DRC9: variants seen among roughly 807,000 people sequenced by gnomAD.
The protein encoded by DRC9 is dynein regulatory complex subunit 9.
chr3:197,959,365 C>T, the DRC9 span: 2 of 152,204 alleles, frequency 1.3e-5, no homozygotes, highest in Non-Finnish European at 2.9e-5. Context: ...GGAATCCCAC[C>T]TTCCACTAGT....
the DRC9 span, among the ~76,000 whole-genome samples, chr3:197,948,476 C>T: frequency 6.6e-6 from 1 of 152,198 alleles, no homozygotes; most frequent in Non-Finnish European, 1.5e-5. Flanking sequence ...CAACGATGCT[C>T]ACAGTTGTAT....
the DRC9 span, chr3:197,955,734 TC>T: frequency 6.3e-7 from 1 of 1,596,880 alleles, no homozygotes; most frequent in Non-Finnish European, 8.6e-7. Context: ...TGTTTTGTGT[TC>T]TTTTTTCCCT....
the DRC9 span, chr3:197,932,164 T>A: frequency 1.2e-6 from 2 of 1,609,328 alleles, no homozygotes. Flanking sequence ...AAACCTAACA[T>A]GACTCTGACC....
chr3:197,910,041 A>G, the DRC9 span, among the ~76,000 whole-genome samples: 1 of 152,208 alleles, frequency 6.6e-6, no homozygotes, highest in East Asian at 1.9e-4. Context: ...GTTTTTAGGT[A>G]TAAGTATGTA....
the DRC9 span, among the ~76,000 whole-genome samples, chr3:197,937,099 G>A: frequency 6.6e-6 from 1 of 152,206 alleles, no homozygotes; most frequent in African/African-American, 2.4e-5. Flanking sequence ...GGGCGATGCC[G>A]TATTCCAATA....
At chr3:197,943,063 T>A in the DRC9 span, among the ~76,000 whole-genome samples, 418 of 152,302 alleles carry the variant, frequency 2.7e-3, 1 homozygote, top group Middle Eastern at 0.054. Flanking sequence ...CACTACTAAG[T>A]TAATTTTCTG....
the DRC9 span, among the ~76,000 whole-genome samples, chr3:197,923,729 C>T: frequency 6.6e-6 from 1 of 151,710 alleles, no homozygotes; most frequent in Non-Finnish European, 1.5e-5. Flanking sequence ...GACCGTGTCT[C>T]AAAAACAAAA....
the DRC9 span, among the ~76,000 whole-genome samples, chr3:197,952,256 G>A: frequency 1.7e-5 from 2 of 120,214 alleles, no homozygotes; most frequent in South Asian, 3.0e-4. Flanking sequence ...CGCAACCTCC[G>A]CCTCCCGGGT....
chr3:197,892,565 C>T, the DRC9 span: 1 of 1,586,712 alleles, frequency 6.3e-7, no homozygotes, highest in Non-Finnish European at 8.6e-7. Context: ...TCCACTCCCT[C>T]CTCAGTGAGC....
the DRC9 span, among the ~76,000 whole-genome samples, chr3:197,900,173 A>G: frequency 6.6e-6 from 1 of 152,170 alleles, no homozygotes; most frequent in South Asian, 2.1e-4. The surrounding 1 kb of genome is among the most constrained non-coding windows in gnomAD (Gnocchi z 4.7). Flanking sequence ...GGTCCTCAAT[A>G]CACTTGAAAG....
the DRC9 span, among the ~76,000 whole-genome samples, chr3:197,944,826 C>G: frequency 6.6e-6 from 1 of 151,950 alleles, no homozygotes; most frequent in Non-Finnish European, 1.5e-5. Context: ...GGTGATCTGC[C>G]CAACTCAGCC....
the DRC9 span, among the ~76,000 whole-genome samples, chr3:197,940,286 G>A: frequency 3.4e-5 from 5 of 149,134 alleles, no homozygotes; most frequent in African/African-American, 1.3e-4. Flanking sequence ...GTGAGCCACC[G>A]TGCCTGGCCT....
chr3:197,955,431 T>A, the DRC9 span, among the ~76,000 whole-genome samples: 1 of 151,942 alleles, frequency 6.6e-6, no homozygotes, highest in African/African-American at 2.4e-5. Context: ...CCCAGCTGAT[T>A]TTTGTATTTT....
chr3:197,905,559 C>A, the DRC9 span, among the ~76,000 whole-genome samples: 1 of 151,760 alleles, frequency 6.6e-6, no homozygotes, highest in Non-Finnish European at 1.5e-5. Context: ...CCAGCCTGAC[C>A]AACATAAGAA....
the DRC9 span, among the ~76,000 whole-genome samples, chr3:197,899,319 G>A: frequency 2.1e-4 from 32 of 152,206 alleles, no homozygotes; most frequent in Non-Finnish European, 3.8e-4. Flanking sequence ...ATAAAAAGAT[G>A]GAAAGCTTCC....
the DRC9 span, among the ~76,000 whole-genome samples, chr3:197,897,149 A>C: frequency 0.19 from 29,566 of 152,106 alleles, 4,551 homozygotes; most frequent in African/African-American, 0.43. Context: ...GTAAAAAAAA[A>C]ACTATACAGT....
the DRC9 span, chr3:197,891,667 C>G: frequency 2.1e-6 from 1 of 466,680 alleles, no homozygotes; most frequent in Admixed American, 3.9e-5. Flanking sequence ...AAAGATAAAC[C>G]AAAGAAAAAA....
At chr3:197,925,588 T>G in the DRC9 span, among the ~76,000 whole-genome samples, 4 of 10,206 alleles carry the variant, frequency 3.9e-4, no homozygotes. Flanking sequence ...ATATCTTCTG[T>G]TTTTTTTTTT....
chr3:197,906,518 T>C, the DRC9 span: 2 of 151,990 alleles, frequency 1.3e-5, no homozygotes, highest in African/African-American at 4.8e-5. Flanking sequence ...TAGTAAGGTA[T>C]CTGTCACCTA....
Sources: gnomAD v4.1 joint callset for allele counts (sites outside exome capture counted in the v4.1 genomes callset) on GRCh38, gnomAD v4.1.1 for gene constraint, Gnocchi (gnomAD v3.1) non-coding constraint, MANE v1.5 for transcripts, NCBI Gene and HGNC (gene_info 2026-07-23, HGNC 2026-07-21) for gene names.